Variants in ACCSL observed in about 807,000 individuals in gnomAD.
ACCSL encodes probable inactive 1-aminocyclopropane-1-carboxylate synthase-like protein 2.
ACCSL carries 55 observed loss-of-function variants against 61.7 expected under a neutral mutation model. The ratio of observed to expected loss-of-function variants is 0.89; its 90% CI spans 0.72 to 1.12. The LOEUF (loss-of-function observed/expected upper bound fraction) is 1.12. Ranked by LOEUF, ACCSL falls within the 50% of genes most tolerant of loss-of-function variation. ACCSL has a pLI of 0.00. For missense variants in ACCSL, 632 were observed against 698.0 expected (o/e 0.91, Z 1.07); for synonymous variants, 258 against 264.3 (o/e 0.98, Z 0.23).
the ACCSL span, among the ~76,000 whole-genome samples, chr11:44,030,661 C>T: frequency 6.6e-6 from 1 of 151,780 alleles, no homozygotes; most frequent in Non-Finnish European, 1.5e-5. Context: ...TTTATAGAAA[C>T]GAAGGCAACA....
chr11:44,039,310 T>A, the ACCSL span, among the ~76,000 whole-genome samples: 2 of 152,116 alleles, frequency 1.3e-5, no homozygotes, highest in African/African-American at 4.8e-5. Context: ...AGCAGATTCC[T>A]ACCACTCAGC....
chr11:44,058,632 C>T lies in ACCSL; in HGVS notation c.1557C>T (p.Thr519=), dbSNP rs1952686896. The change falls in exon 13 of 14, where the codon ACC becomes ACT. Residue 519 remains threonine, a synonymous_variant. Coordinates refer to ENST00000378832, the MANE Select transcript of ACCSL (RefSeq NM_001031854.2). ...AGCTATTGTTATCCCGTGGCAAAACCTACATGTGTAAGGAGCCAGGCTGGT... is the reference window on the plus strand; with the variant it reads ...AGCTATTGTTATCCCGTGGCAAAACTTACATGTGTAAGGAGCCAGGCTGGT... ...DNKLLLSRGK[T]YMCKEPGWFC... The T allele has an allele frequency of 1.2e-6, 2 of 1,614,130 alleles. No homozygotes were observed. Among genetic ancestry groups the T allele is most frequent in the Non-Finnish European group, 8.5e-7 (1 of 1,180,002 alleles).
rs777342889 is a variant in ACCSL, at chr11:44,059,799, A to G, written c.1625-39A>G. The G allele has an allele frequency of 5.0e-6, 8 of 1,586,520 alleles. No homozygotes were observed. In the East Asian group the frequency reaches 1.8e-4, roughly 36 times the overall value. Reference sequence around the variant, plus strand: ...TCTGGGACCCACCAGCAAACCTACTAAATCACTATTTCTCTCTGTCCCCAT... The same window carrying G: ...TCTGGGACCCACCAGCAAACCTACTGAATCACTATTTCTCTCTGTCCCCAT... On this transcript the variant is annotated intron_variant, in intron 13 of 13. Transcript: ENST00000378832.
chr11:43,958,427 T>G, the ACCSL span, among the ~76,000 whole-genome samples: 2 of 152,174 alleles, frequency 1.3e-5, no homozygotes, highest in African/African-American at 4.8e-5. Flanking sequence ...CACTCCTGAT[T>G]CACTGGCCCC....
At chr11:43,980,620 C>G in the ACCSL span, among the ~76,000 whole-genome samples, 1 of 152,112 alleles carries the variant, frequency 6.6e-6, no homozygotes, top group Admixed American at 6.5e-5. Context: ...TTGTCTTTTT[C>G]TTAATAATTT....
At chr11:44,031,701 A>G in the ACCSL span, among the ~76,000 whole-genome samples, 1 of 152,170 alleles carries the variant, frequency 6.6e-6, no homozygotes, top group African/African-American at 2.4e-5. Context: ...AGTCAGGCTG[A>G]TGGGGAGTCT....
At chr11:44,042,944 A>G in the ACCSL span, among the ~76,000 whole-genome samples, 2 of 151,678 alleles carry the variant, frequency 1.3e-5, no homozygotes, top group Non-Finnish European at 2.9e-5. Context: ...TTAGCTGGGC[A>G]TGGTGGTGTG....
chr11:44,016,930 C>T, the ACCSL span, among the ~76,000 whole-genome samples: 1 of 152,180 alleles, frequency 6.6e-6, no homozygotes, highest in Admixed American at 6.5e-5. Context: ...ACCCCTCCAG[C>T]ACTGAGAATC....
chr11:43,924,778 G>A, the ACCSL span, among the ~76,000 whole-genome samples: 1 of 152,200 alleles, frequency 6.6e-6, no homozygotes, highest in African/African-American at 2.4e-5. Context: ...GGATGGCCAC[G>A]GGGCCCCCTA....
the ACCSL span, among the ~76,000 whole-genome samples, chr11:43,941,425 G>C: frequency 1.3e-5 from 2 of 152,226 alleles, no homozygotes; most frequent in Non-Finnish European, 2.9e-5. Flanking sequence ...GAGTGGATAC[G>C]GAAAGGACGG....
the ACCSL span, chr11:43,933,003 G>T: frequency 2.2e-6 from 1 of 451,782 alleles, no homozygotes; most frequent in Admixed American, 2.4e-5. Flanking sequence ...GCGCTGTGTA[G>T]CTGGGGCTTG....
At chr11:44,007,001 C>T in the ACCSL span, among the ~76,000 whole-genome samples, 9 of 152,168 alleles carry the variant, frequency 5.9e-5, no homozygotes, top group South Asian at 2.1e-4. Flanking sequence ...GCCTAGCTGA[C>T]GTTTGAGCCA....
chr11:44,047,396 C>T (rs888252942), upstream of ACCSL, among the ~76,000 whole-genome samples: 11 of 152,194 alleles, frequency 7.2e-5, no homozygotes, highest in African/African-American at 1.9e-4. Context: ...CTTGGCAAAC[C>T]TTTTATGTAA....
the ACCSL span, among the ~76,000 whole-genome samples, chr11:44,013,128 C>T: frequency 6.6e-6 from 1 of 152,042 alleles, no homozygotes; most frequent in African/African-American, 2.4e-5. Flanking sequence ...TCTATATATG[C>T]ATATAAAGAA....
the ACCSL span, among the ~76,000 whole-genome samples, chr11:43,949,587 G>A: frequency 6.6e-6 from 1 of 152,164 alleles, no homozygotes; most frequent in East Asian, 1.9e-4. Context: ...GGCTGAGGCA[G>A]GTGGATCACT....
chr11:43,996,816 T>C, the ACCSL span, among the ~76,000 whole-genome samples: 1 of 3,984 alleles, frequency 2.5e-4, no homozygotes, highest in Non-Finnish European at 5.0e-4. Context: ...TTTTTTCCTT[T>C]TTTTTTTTTT....
the ACCSL span, among the ~76,000 whole-genome samples, chr11:43,924,517 C>T: frequency 6.6e-6 from 1 of 152,206 alleles, no homozygotes; most frequent in Non-Finnish European, 1.5e-5. Flanking sequence ...CGGGGGCAGG[C>T]GAGTGGGACA....
chr11:44,045,564 A>G (rs1952592960), upstream of ACCSL, among the ~76,000 whole-genome samples: 1 of 152,082 alleles, frequency 6.6e-6, no homozygotes, highest in Non-Finnish European at 1.5e-5. Flanking sequence ...TTCTCATTCA[A>G]ACTACTTTAA....
At chr11:44,047,747 A>G (rs754925743), upstream of ACCSL, among the ~76,000 whole-genome samples, 11 of 152,242 alleles carry the variant, frequency 7.2e-5, no homozygotes, top group Non-Finnish European at 1.6e-4. Flanking sequence ...CTCCTTGTTC[A>G]TATCCCCCTG....
Sources: allele counts gnomAD v4.1 joint callset (sites outside exome capture counted in the v4.1 genomes callset), GRCh38; gene constraint gnomAD v4.1.1; transcripts MANE v1.5; gene names NCBI Gene and HGNC (gene_info 2026-07-23, HGNC 2026-07-21).